TRRAP: variants seen among roughly 807,000 people sequenced by gnomAD.
The protein encoded by TRRAP is transformation/transcription domain associated protein.
A neutral mutation model predicts 438.8 loss-of-function variants in TRRAP; 41 were observed. The observed-to-expected ratio is 0.09, with a 90% CI of 0.07 to 0.12. The LOEUF (loss-of-function observed/expected upper bound fraction) is 0.12, where lower values mean the gene tolerates loss of function less well. Among genes scored for constraint, TRRAP ranks in the 10% least tolerant of loss-of-function variants. The pLI, the probability that TRRAP is intolerant of heterozygous loss-of-function variation, is 1.00. For synonymous variants in TRRAP, 1,994 were observed against 1,962.9 expected, an observed-to-expected ratio of 1.02 and a Z score of -0.42; for missense variants, 3,122 against 5,055.1, an observed-to-expected ratio of 0.62 and a Z score of 11.60.
chr7:98,898,827 A>G (rs1393680628), intron 8 of TRRAP, among the ~76,000 whole-genome samples: 3 of 152,234 alleles, frequency 2.0e-5, no homozygotes, highest in African/African-American at 7.2e-5. Context: ...AATTTCTCAG[A>G]TGATTTGAAT....
chr7:98,884,487 A>C lies in TRRAP; in HGVS notation c.150+2463A>C, dbSNP rs146214263. On this transcript the variant is annotated intron_variant, in intron 3 of 72. Coordinates refer to ENST00000456197, the MANE Select transcript of TRRAP (RefSeq NM_001375524.1). ...TGACCTTAAGCGATCCACCCACCTCAGCCTCCCAAAGTGCTAGGATTACAA... is the reference window on the plus strand; with the variant it reads ...TGACCTTAAGCGATCCACCCACCTCCGCCTCCCAAAGTGCTAGGATTACAA... 4.7e-4 allele frequency among the ~76,000 whole-genome samples: 72 copies of C among 152,172 alleles called. No individual in the cohort carries two copies. The East Asian group carries it at 0.012, about 25-fold the overall frequency.
At chr7:98,930,239 G>A (rs782367608) in intron 24 of TRRAP, 33 bp downstream of exon 24, 3 of 1,610,222 alleles carry the variant, frequency 1.9e-6, no homozygotes, top group East Asian at 4.5e-5. Flanking sequence ...CTTCTGATTT[G>A]GAGGGTGTCT....
chr7:98,970,852 G>A (rs560395891), intron 52 of TRRAP, among the ~76,000 whole-genome samples: 2 of 152,244 alleles, frequency 1.3e-5, no homozygotes, highest in East Asian at 1.9e-4. Flanking sequence ...GCCTAGTCCC[G>A]GGACGGGCAG....
chr7:99,001,042 T>G (rs761775557), intron 67 of TRRAP, among the ~76,000 whole-genome samples: 10 of 152,264 alleles, frequency 6.6e-5, no homozygotes, highest in Non-Finnish European at 1.3e-4. Flanking sequence ...AGACTCATTG[T>G]GTCCTAGATG....
intron 25 of TRRAP, 87 bp downstream of exon 25, chr7:98,930,917 T>C (rs1790296088): frequency 1.3e-6 from 2 of 1,519,882 alleles, no homozygotes; most frequent in South Asian, 1.2e-5. Context: ...TCTGCAAATA[T>C]GCTCTCCTAG....
At chr7:98,893,097 C>T (rs1562928548) in intron 5 of TRRAP, among the ~76,000 whole-genome samples, 1 of 151,870 alleles carries the variant, frequency 6.6e-6, no homozygotes, top group Non-Finnish European at 1.5e-5. Context: ...GATTACAGGC[C>T]CTTGCCACCA....
At chr7:99,009,325 T>C (rs1012359753) in intron 70 of TRRAP, among the ~76,000 whole-genome samples, 3 of 152,132 alleles carry the variant, frequency 2.0e-5, no homozygotes, top group African/African-American at 7.2e-5. Flanking sequence ...TGTGACCTTG[T>C]CCCGAGTCAC....
rs1792123526 is a variant in TRRAP, at chr7:98,965,717, T to C, written c.6998T>C (p.Leu2333Pro). The stretch of plus-strand genomic sequence containing the variant: ...GCAGGTACAAGCGAGCTGGTGATGC[T>C]GAGTCTGGAGCTGGTGAAGACGCGC... ...ATSGTSELVM[L>P]SLELVKTRLA... The change falls in exon 49 of 73, where the codon CTG becomes CCG. Residue 2333 changes from leucine to proline, a missense_variant. Physicochemically the swap from Leu to Pro is moderately conservative, Grantham distance 98. Around this residue, in one of 24 missense-constraint regions of TRRAP, gnomAD observed 992 missense variants for 1,281.2 expected, o/e 0.77. Transcript: ENST00000456197. 1.2e-6 allele frequency: 2 copies of C among 1,614,004 alleles called. No individual in the cohort carries two copies. Among genetic ancestry groups the C allele is most frequent in the Non-Finnish European group, 1.7e-6 (2 of 1,180,040 alleles).
chr7:98,933,198 A>G (rs782056571), intron 26 of TRRAP, 43 bp from the exon 27 acceptor site: 3 of 1,561,270 alleles, frequency 1.9e-6, no homozygotes, highest in Non-Finnish European at 2.6e-6. Flanking sequence ...TTTGTGTCTC[A>G]AGGGGCAGCT....
intron 8 of TRRAP, 76 bp from the exon 9 acceptor site, chr7:98,899,346 T>C: frequency 8.3e-7 from 1 of 1,198,688 alleles, no homozygotes; most frequent in Non-Finnish European, 1.2e-6. Context: ...CAGTGGGTGA[T>C]GCTCAGTGGG....
At position 98,908,710 on chromosome 7, in the gene TRRAP, C is replaced by T. The variant is rs367757335; in HGVS notation, c.1116-18C>T. ...TGGCCACGTGGGAATGAGCACTAGT[C>T]GAGGTCTCTGCCCGCAGGCCCCTCG... On this transcript the variant is annotated intron_variant, in intron 13 of 72. Coordinates refer to ENST00000456197, the MANE Select transcript of TRRAP (RefSeq NM_001375524.1). The surrounding 1 kb of genome is among the most constrained non-coding windows in gnomAD (Gnocchi z 4.1). 70 of 1,541,492 alleles carry T rather than the reference C, an allele frequency of 4.5e-5. No homozygotes were observed. The Admixed American group carries it at 5.1e-4, about 11-fold the overall frequency.
chr7:98,907,107 T>C (rs1796806416), intron 13 of TRRAP, among the ~76,000 whole-genome samples: 1 of 151,932 alleles, frequency 6.6e-6, no homozygotes, highest in Non-Finnish European at 1.5e-5. Context: ...GCAGATCACC[T>C]GAGGTCGGGA....
intron 29 of TRRAP, 73 bp downstream of exon 29, chr7:98,937,350 T>C (rs1334328306): frequency 6.5e-7 from 1 of 1,540,698 alleles, no homozygotes; most frequent in Admixed American, 2.2e-5. Flanking sequence ...CATTAAGAGT[T>C]CTTCCTGTTT....
Position 99,005,076 on chromosome 7 carries a change from C to A in TRRAP, c.10536-55C>A. 1 of 1,567,550 alleles carries A rather than the reference C, an allele frequency of 6.4e-7. No homozygotes were observed. The highest frequency in any genetic ancestry group is 8.8e-7 in the Non-Finnish European group (1 of 1,142,182). ...GGACATTCCTAGCTTCTTCTCAAGA[C>A]AAGGACTGGTAGCAGAGATGCAGGG... On this transcript the variant is annotated intron_variant, in intron 68 of 72. Coordinates refer to ENST00000456197, the MANE Select transcript of TRRAP (RefSeq NM_001375524.1). The surrounding 1 kb of genome is among the most constrained non-coding windows in gnomAD (Gnocchi z 5.1).
intron 3 of TRRAP, among the ~76,000 whole-genome samples, chr7:98,882,563 A>G (rs191570034): frequency 1.2e-3 from 179 of 152,088 alleles, no homozygotes; most frequent in African/African-American, 3.5e-3. Flanking sequence ...GGGTTTCACC[A>G]TGTTGGTCAG....
intron 1 of TRRAP, among the ~76,000 whole-genome samples, chr7:98,878,868 T>G (rs1247030737): frequency 6.6e-6 from 1 of 152,098 alleles, no homozygotes; most frequent in African/African-American, 2.4e-5. Context: ...GCGCGGGAAT[T>G]GGCGCTCGGC....
chr7:98,973,425 A>G (rs1019524885), intron 53 of TRRAP, among the ~76,000 whole-genome samples: 1 of 152,190 alleles, frequency 6.6e-6, no homozygotes, highest in Non-Finnish European at 1.5e-5. Context: ...TGCGAGTGCC[A>G]TCAGGAGAGG....
chr7:98,963,194 A>G lies in TRRAP; in HGVS notation c.6829+767A>G, dbSNP rs141882412. Among the ~76,000 whole-genome samples, 841 of 152,346 alleles carry G rather than the reference A, an allele frequency of 5.5e-3. 3 individuals carry two copies. Among genetic ancestry groups the G allele is most frequent in the African/African-American group, 0.018 (731 of 41,584 alleles). On this transcript the variant is annotated intron_variant, in intron 47 of 72. Transcript: ENST00000456197. ...GGCAAACGCTTTTCTGAATTTGCCA[A>G]CTGAATATATTTGGATGAGTTCCTT...
In TRRAP at chr7:98,897,851, C is replaced by A. The variant is rs1288211897; in HGVS notation, c.618C>A (p.Asp206Glu). ...IAVKVNPEREDSETRTHSIIP... is the reference protein window; with the variant it reads ...IAVKVNPEREESETRTHSIIP... ...TGAAAGTCAACCCGGAGCGTGAGGACAGTGAGACTCGAACAGTAAGTGTTT... is the reference window on the plus strand; with the variant it reads ...TGAAAGTCAACCCGGAGCGTGAGGAAAGTGAGACTCGAACAGTAAGTGTTT... The change falls in exon 8 of 73, where the codon GAC (aspartate) becomes GAA (glutamate). Residue 206 changes from aspartate (D) to glutamate (E), a missense_variant. Coordinates refer to ENST00000456197, the MANE Select transcript of TRRAP (RefSeq NM_001375524.1). The A allele has an allele frequency of 1.2e-6, 2 of 1,613,924 alleles. No homozygotes were observed. The highest frequency in any genetic ancestry group is 1.7e-6 in the Non-Finnish European group (2 of 1,180,008).
Sources: allele counts gnomAD v4.1 joint callset (sites outside exome capture counted in the v4.1 genomes callset), GRCh38; gene constraint gnomAD v4.1.1; regional missense constraint gnomAD v4.1.1; non-coding constraint Gnocchi (gnomAD v3.1); transcripts MANE v1.5; gene names NCBI Gene and HGNC (gene_info 2026-07-23, HGNC 2026-07-21).